Variants in KCNIP1 observed in about 807,000 individuals in gnomAD.
KCNIP1 encodes the protein potassium voltage-gated channel interacting protein 1.
In KCNIP1, 18 loss-of-function variants were observed where a neutral mutation model predicts 33.0. The observed-to-expected ratio is 0.55, with a 90% CI of 0.38 to 0.81. KCNIP1 has a LOEUF of 0.81. KCNIP1 is among the 30% of genes least tolerant of loss of function. The probability of loss-of-function intolerance (pLI) is 0.00; values close to 1 mark genes in which losing one functional copy is unlikely to be tolerated. For synonymous variants in KCNIP1, 93 were observed against 98.3 expected, an observed-to-expected ratio of 0.95 and a Z score of 0.32; for missense variants, 238 against 271.6, an observed-to-expected ratio of 0.88 and a Z score of 0.87.
chr5:170,419,969 G>A (rs1015672037), intron 1 of KCNIP1, among the ~76,000 whole-genome samples: 17 of 152,292 alleles, frequency 1.1e-4, no homozygotes, highest in African/African-American at 3.8e-4. Context: ...GACTGTGACC[G>A]CTGGCTCTAC....
intron 1 of KCNIP1, among the ~76,000 whole-genome samples, chr5:170,611,685 G>A (rs1483801942): frequency 6.6e-6 from 1 of 152,156 alleles, no homozygotes; most frequent in East Asian, 1.9e-4. Flanking sequence ...CTTCCTCAAA[G>A]GGTAACCTCT....
chr5:170,441,844 C>T (rs761366915), intron 1 of KCNIP1, among the ~76,000 whole-genome samples: 8 of 148,532 alleles, frequency 5.4e-5, no homozygotes, highest in East Asian at 2.1e-4. Context: ...CCTAGCTACT[C>T]GGGAGGCTGA....
At chr5:170,449,165 A>G (rs1337257255) in intron 1 of KCNIP1, among the ~76,000 whole-genome samples, 1 of 152,180 alleles carries the variant, frequency 6.6e-6, no homozygotes, top group Admixed American at 6.5e-5. Context: ...TCATTCATTC[A>G]TTCTCCATTT....
intron 1 of KCNIP1, among the ~76,000 whole-genome samples, chr5:170,434,680 T>G (rs1364394104): frequency 6.6e-6 from 1 of 152,152 alleles, no homozygotes; most frequent in Non-Finnish European, 1.5e-5. Context: ...TGGGGCCTGG[T>G]GCGCTGGCTC....
chr5:170,663,010 T>G (rs1159404357), intron 1 of KCNIP1, among the ~76,000 whole-genome samples: 1 of 152,204 alleles, frequency 6.6e-6, no homozygotes, highest in East Asian at 1.9e-4. Flanking sequence ...AAAGCCACCC[T>G]GAGGACACCT....
intron 1 of KCNIP1, among the ~76,000 whole-genome samples, chr5:170,354,699 G>A (rs1317506148): frequency 6.6e-6 from 1 of 152,228 alleles, no homozygotes; most frequent in Admixed American, 6.5e-5. Context: ...ACAGCCGGGA[G>A]GCAGAAAGAA....
intron 1 of KCNIP1, among the ~76,000 whole-genome samples, chr5:170,452,720 C>T (rs572119043): frequency 3.3e-5 from 5 of 152,262 alleles, no homozygotes; most frequent in Non-Finnish European, 7.4e-5. Context: ...GACAAAGAAG[C>T]GAACTGTTAC....
chr5:170,484,094 C>G (rs115548514), intron 1 of KCNIP1: 2 of 152,520 alleles, frequency 1.3e-5, no homozygotes, highest in African/African-American at 4.8e-5. Context: ...CATCCCCCCA[C>G]AGAGCATCCC....
At chr5:170,588,131 C>G (rs1407116342) in intron 1 of KCNIP1, among the ~76,000 whole-genome samples, 1 of 152,176 alleles carries the variant, frequency 6.6e-6, no homozygotes, top group Non-Finnish European at 1.5e-5. Flanking sequence ...GACTGGATGC[C>G]TTAGAACTTA....
intron 1 of KCNIP1, among the ~76,000 whole-genome samples, chr5:170,549,037 C>A (rs2113405576): frequency 6.6e-6 from 1 of 152,218 alleles, no homozygotes; most frequent in Middle Eastern, 3.4e-3. Context: ...GGATGGGGGT[C>A]TCTGCTTGGC....
intron 1 of KCNIP1, among the ~76,000 whole-genome samples, chr5:170,453,401 C>T (rs1349108040): frequency 6.6e-6 from 1 of 152,192 alleles, no homozygotes; most frequent in Non-Finnish European, 1.5e-5. Flanking sequence ...GCCACCATAC[C>T]ACCAAAGAAA....
chr5:170,573,057 G>T (rs28613161), intron 1 of KCNIP1, among the ~76,000 whole-genome samples: 4,780 of 152,296 alleles, frequency 0.031, 262 homozygotes, highest in African/African-American at 0.11. Context: ...AGAGGGGCCA[G>T]TCCCCAGCCC....
chr5:170,666,425 G>T (rs901651497), intron 1 of KCNIP1, among the ~76,000 whole-genome samples: 3 of 152,132 alleles, frequency 2.0e-5, no homozygotes, highest in Admixed American at 1.3e-4. Context: ...GCCACTCCAA[G>T]GAACCTCCAA....
chr5:170,661,489 TC>T (rs948522122), intron 1 of KCNIP1, among the ~76,000 whole-genome samples: 5 of 152,084 alleles, frequency 3.3e-5, no homozygotes, highest in African/African-American at 1.2e-4. Flanking sequence ...GATGCTGCCA[TC>T]CCTGGTTTGT....
At chr5:170,527,542 A>C (rs6873133) in intron 1 of KCNIP1, among the ~76,000 whole-genome samples, 25,412 of 151,802 alleles carry the variant, frequency 0.17, 4,643 homozygotes, top group African/African-American at 0.46. Context: ...GTGTGAGCCA[A>C]GTGCACCCAT....
At chr5:170,695,100 C>T (rs548016109) in intron 1 of KCNIP1, among the ~76,000 whole-genome samples, 20 of 152,308 alleles carry the variant, frequency 1.3e-4, no homozygotes, top group African/African-American at 4.8e-4. Flanking sequence ...TTCCACCATC[C>T]ACCCAATTGC....
intron 1 of KCNIP1, chr5:170,378,310 C>T (rs1430943582): frequency 1.1e-5 from 2 of 177,922 alleles, no homozygotes; most frequent in Admixed American, 6.0e-5. Flanking sequence ...AAGGGAGGCT[C>T]GCTGGGGACA....
In KCNIP1 at chr5:170,387,528, G is replaced by A. The variant is rs181505337; in HGVS notation, c.88+33564G>A. Among the ~76,000 whole-genome samples, 36 of 152,228 alleles carry A rather than the reference G, an allele frequency of 2.4e-4. No individual in the cohort carries two copies. The East Asian group carries it at 6.0e-3, about 25-fold the overall frequency. ...AGCTGGTCCACCTCCCCTATCGATCGGCAGAGGTGACATCCAATGACAACT... is the reference window on the plus strand; with the variant it reads ...AGCTGGTCCACCTCCCCTATCGATCAGCAGAGGTGACATCCAATGACAACT... On this transcript the variant is annotated intron_variant, in intron 1 of 7. Transcript: ENST00000377360.
At chr5:170,472,311 A>G (rs1221654993) in intron 1 of KCNIP1, among the ~76,000 whole-genome samples, 2 of 152,324 alleles carry the variant, frequency 1.3e-5, no homozygotes, top group East Asian at 3.9e-4. Context: ...GCAAAACTGC[A>G]AGGGTGGATT....
Sources: gnomAD v4.1 joint callset for allele counts (sites outside exome capture counted in the v4.1 genomes callset) on GRCh38, gnomAD v4.1.1 for gene constraint, MANE v1.5 for transcripts, NCBI Gene and HGNC (gene_info 2026-07-23, HGNC 2026-07-21) for gene names.